Variants in KCNB2 observed in about 807,000 individuals in gnomAD.
The protein encoded by KCNB2 is potassium voltage-gated channel subfamily B member 2.
In KCNB2, 15 loss-of-function variants were observed where a neutral mutation model predicts 61.5. That is an observed-to-expected ratio of 0.24 (90% CI 0.16 to 0.38). KCNB2 has a LOEUF of 0.38. Ranked by LOEUF, KCNB2 falls within the 10% of genes least tolerant of loss-of-function variation. The pLI, the probability that KCNB2 is intolerant of heterozygous loss-of-function variation, is 1.00. For missense variants in KCNB2, 828 were observed against 1,125.2 expected, an observed-to-expected ratio of 0.74 and a Z score of 3.78; for synonymous variants, 457 against 446.0, an observed-to-expected ratio of 1.02 and a Z score of -0.31.
At chr8:72,908,660 GT>G (rs1224861422) in intron 2 of KCNB2, among the ~76,000 whole-genome samples, 1 of 152,202 alleles carries the variant, frequency 6.6e-6, no homozygotes, top group African/African-American at 2.4e-5. Context: ...ACATTATTTT[GT>G]TGGAAAGAAG....
chr8:72,863,691 G>A (rs1261955478), intron 2 of KCNB2, among the ~76,000 whole-genome samples: 1 of 152,184 alleles, frequency 6.6e-6, no homozygotes, highest in Non-Finnish European at 1.5e-5. Flanking sequence ...GCCAACTTGT[G>A]AAAATGTGAC....
intron 2 of KCNB2, among the ~76,000 whole-genome samples, chr8:72,718,828 A>T (rs1176308797): frequency 1.3e-5 from 2 of 152,176 alleles, no homozygotes; most frequent in Non-Finnish European, 2.9e-5. Flanking sequence ...ATAAAATAAA[A>T]TAAAAACAGG....
chr8:72,709,474 C>T lies in KCNB2; in HGVS notation c.579+141161C>T, dbSNP rs1290461207. 8.2e-4 allele frequency among the ~76,000 whole-genome samples: 124 copies of T among 151,832 alleles called. 1 individual carries two copies. Among genetic ancestry groups the T allele is most frequent in the Admixed American group, 8.1e-3 (123 of 15,250 alleles). ...ACAGGAAGCACGGTGCCGGCATCTG[C>T]TTGGCTTCTAGGGAGGCCTAGGGGA... On this transcript the variant is annotated intron_variant, in intron 2 of 2. Coordinates refer to ENST00000523207, the MANE Select transcript of KCNB2 (RefSeq NM_004770.3).
At chr8:72,574,620 A>G (rs182173801) in intron 2 of KCNB2, among the ~76,000 whole-genome samples, 57 of 152,342 alleles carry the variant, frequency 3.7e-4, no homozygotes, top group African/African-American at 1.2e-3. Context: ...AAAAATCATT[A>G]GTTTTCATTA....
At chr8:72,680,755 C>T (rs1261138466) in intron 2 of KCNB2, among the ~76,000 whole-genome samples, 1 of 152,092 alleles carries the variant, frequency 6.6e-6, no homozygotes, top group Non-Finnish European at 1.5e-5. Flanking sequence ...CTCAGAAATG[C>T]ACGAGATAGA....
chr8:72,862,229 GT>G (rs1409936019), intron 2 of KCNB2, among the ~76,000 whole-genome samples: 1 of 152,066 alleles, frequency 6.6e-6, no homozygotes, highest in African/African-American at 2.4e-5. Context: ...AAAGAAACTT[GT>G]AAAAAAAATG....
chr8:72,599,335 A>G (rs1053761550), intron 2 of KCNB2, among the ~76,000 whole-genome samples: 8 of 152,230 alleles, frequency 5.3e-5, no homozygotes, highest in African/African-American at 1.9e-4. Flanking sequence ...CCTGACAAAA[A>G]CAAGCAATTG....
chr8:72,805,561 C>G (rs1809205976), intron 2 of KCNB2, among the ~76,000 whole-genome samples: 1 of 152,156 alleles, frequency 6.6e-6, no homozygotes, highest in South Asian at 2.1e-4. Context: ...AAATAAAGAT[C>G]TTGGGAAAGA....
rs147965570 is a variant in KCNB2, at chr8:72,933,571, C to T, written c.580-2364C>T. The stretch of plus-strand genomic sequence containing the variant: ...ATGCCCAAAGATGTATTAGCAACAG[C>T]GTGACCTCCCGAAAAAATATCTTGG... On this transcript the variant is annotated intron_variant, in intron 2 of 2. Transcript: ENST00000523207. Among the ~76,000 whole-genome samples the T allele has an allele frequency of 1.8e-3, 273 of 152,292 alleles. 1 individual carries two copies. Among genetic ancestry groups the T allele is most frequent in the African/African-American group, 6.3e-3 (262 of 41,568 alleles).
rs770332831 is a variant in KCNB2 at position 72,910,992 on chromosome 8, A to G, written c.580-24943A>G. On this transcript the variant is annotated intron_variant, in intron 2 of 2. Coordinates refer to ENST00000523207, the MANE Select transcript of KCNB2 (RefSeq NM_004770.3). ...AATAATAATCCTAAAGTCATTTCCTATAGAGGAGACTTCTTGAATACACCA... is the reference window on the plus strand; with the variant it reads ...AATAATAATCCTAAAGTCATTTCCTGTAGAGGAGACTTCTTGAATACACCA... Among the ~76,000 whole-genome samples the G allele has an allele frequency of 1.6e-4, 24 of 152,306 alleles. No homozygotes were observed. The South Asian group carries it at 4.8e-3, about 30-fold the overall frequency.
chr8:72,564,879 T>C (rs1165827677), intron 1 of KCNB2, among the ~76,000 whole-genome samples: 1 of 152,210 alleles, frequency 6.6e-6, no homozygotes, highest in Non-Finnish European at 1.5e-5. Flanking sequence ...ATCTTAGTTT[T>C]CTTTCAGTGC....
chr8:72,783,333 C>T (rs749263601), intron 2 of KCNB2, among the ~76,000 whole-genome samples: 28 of 152,140 alleles, frequency 1.8e-4, no homozygotes, highest in Non-Finnish European at 3.2e-4. Context: ...CCCCAGGCTA[C>T]AAGGTCTTGC....
intron 2 of KCNB2, among the ~76,000 whole-genome samples, chr8:72,624,295 T>C (rs1006682196): frequency 6.6e-6 from 1 of 152,226 alleles, no homozygotes; most frequent in Non-Finnish European, 1.5e-5. Flanking sequence ...CAATTATCTA[T>C]ATGTTCAGAA....
intron 2 of KCNB2, among the ~76,000 whole-genome samples, chr8:72,923,972 C>T (rs1056937403): frequency 1.5e-4 from 23 of 152,132 alleles, no homozygotes; most frequent in South Asian, 8.3e-4. Flanking sequence ...CTTCTGTAAA[C>T]GTAATTGTCA....
chr8:72,734,273 C>T (rs1276176242), intron 2 of KCNB2, among the ~76,000 whole-genome samples: 3 of 152,102 alleles, frequency 2.0e-5, no homozygotes, highest in African/African-American at 7.2e-5. Context: ...AAATAAGAGC[C>T]AACATCAGTA....
At chr8:72,652,759 C>G (rs1444992870) in intron 2 of KCNB2, among the ~76,000 whole-genome samples, 1 of 152,124 alleles carries the variant, frequency 6.6e-6, no homozygotes, top group Non-Finnish European at 1.5e-5. Flanking sequence ...TGGCTCTACT[C>G]ATGGATTTTG....
At chr8:72,853,649 T>G (rs985191085) in intron 2 of KCNB2, among the ~76,000 whole-genome samples, 27 of 152,226 alleles carry the variant, frequency 1.8e-4, no homozygotes, top group African/African-American at 6.5e-4. Flanking sequence ...TAGGTGAAAG[T>G]GCTTTTGTAA....
chr8:72,745,221 T>A (rs1222027334), intron 2 of KCNB2, among the ~76,000 whole-genome samples: 1 of 152,228 alleles, frequency 6.6e-6, no homozygotes, highest in East Asian at 1.9e-4. Context: ...GGAGTTTTTT[T>A]AATCCTAAAA....
intron 2 of KCNB2, among the ~76,000 whole-genome samples, chr8:72,789,024 G>T (rs1335171630): frequency 2.0e-5 from 3 of 152,070 alleles, no homozygotes; most frequent in African/African-American, 7.2e-5. Flanking sequence ...GGGTACAAAA[G>T]AAATAGTTTC....
Sources: allele counts gnomAD v4.1 joint callset (sites outside exome capture counted in the v4.1 genomes callset), GRCh38; gene constraint gnomAD v4.1.1; transcripts MANE v1.5; gene names NCBI Gene and HGNC (gene_info 2026-07-23, HGNC 2026-07-21).